The following MUS81 variants were observed in gnomAD, a reference collection of about 807,000 sequenced individuals.
MUS81 encodes the protein MUS81 structure-specific endonuclease subunit.
Under a neutral mutation model 74.2 loss-of-function variants are expected in MUS81, and 69 were observed. That is an observed-to-expected ratio of 0.93 (90% CI 0.77 to 1.14). The LOEUF is 1.14. MUS81 is among the 50% of genes most tolerant of loss of function. MUS81 has a pLI of 0.00. For missense variants in MUS81, 711 were observed against 726.5 expected (o/e 0.98, Z 0.25); for synonymous variants, 303 against 300.6 (o/e 1.01, Z -0.08).
At chr11:65,864,120 A>G (rs1344456636) in intron 10 of MUS81, 1 of 607,132 alleles carries the variant, frequency 1.6e-6, no homozygotes, top group Non-Finnish European at 2.9e-6. Flanking sequence ...GGTCAGGAGC[A>G]TTTTAAAGAC....
chr11:65,865,262 G>T lies in MUS81; in HGVS notation c.1444G>T (p.Val482Leu), dbSNP rs1290610503. 1.2e-6 allele frequency: 2 copies of T among 1,614,186 alleles called. No individual in the cohort carries two copies. ...REVFARQLMQ[V>L]RGVSGEKAAA... is the part of the protein sequence containing the mutation. The stretch of plus-strand genomic sequence containing the variant: ...AGTGTTTGCCCGGCAGCTGATGCAG[G>T]TGCGCGGAGTGAGTGGGGAGAAGGC... The change falls in exon 14 of 16, where the codon GTG (valine) becomes TTG (leucine). Residue 482 changes from valine to leucine, a missense_variant. By Grantham distance (32) the Val-to-Leu change is conservative (BLOSUM62 1). Transcript: ENST00000308110.
chr11:65,867,018 T>C (rs1450882561), downstream of MUS81: 2 of 1,614,140 alleles, frequency 1.2e-6, no homozygotes, highest in Admixed American at 1.7e-5. Context: ...GTCCAGCACG[T>C]ACTCCCGGGG....
At position 65,860,474 on chromosome 11, in the gene MUS81, G is replaced by A; in HGVS notation, c.-280G>A. The A allele has an allele frequency of 1.8e-6, 1 of 553,250 alleles. No individual in the cohort carries two copies. Among genetic ancestry groups the A allele is most frequent in the South Asian group, 1.9e-5 (1 of 51,676 alleles). 34.3% of individuals were successfully genotyped at this position (553,250 alleles called of 1,614,324 possible). A position where few individuals can be genotyped will look rare whatever the true frequency, so the allele number is the denominator to read the frequency against. On this transcript the variant is annotated 5_prime_UTR_variant, in exon 1 of 16. Transcript: ENST00000308110. ...TCCAGGCTCCGGGGGCTGGGAAAGG[G>A]CGCGTCTCAAAGGCTGGCTGGAGTG... is the stretch of plus-strand genomic sequence containing the variant.
Position 65,865,798 on chromosome 11 carries a change from C to T in MUS81, c.1506-13C>T. The T allele has an allele frequency of 6.2e-7, 1 of 1,613,202 alleles. No individual in the cohort carries two copies. Among genetic ancestry groups the T allele is most frequent in the Non-Finnish European group, 8.5e-7 (1 of 1,179,692 alleles). ...CACTGTCAGCCTCAGAAACTCAAAC[C>T]CCTGCCCCCCAGCCTCCTGGCCGCC... On this transcript the variant is annotated splice_polypyrimidine_tract_variant and intron_variant, in intron 14 of 15. Coordinates refer to ENST00000308110, the MANE Select transcript of MUS81 (RefSeq NM_025128.5).
At chr11:65,864,165 A>G in intron 10 of MUS81, 1 of 589,832 alleles carries the variant, frequency 1.7e-6, no homozygotes, top group South Asian at 2.0e-5. Context: ...TCTTGGATAA[A>G]CAAGGCATAA....
upstream of MUS81, chr11:65,860,233 T>G (rs1267523699): frequency 2.2e-6 from 1 of 455,658 alleles, no homozygotes; most frequent in African/African-American, 2.0e-5. Flanking sequence ...AGCCCCCGCC[T>G]CTCCTGGACT....
At chr11:65,862,158 T>C in intron 4 of MUS81, 53 bp from the exon 5 acceptor site, 2 of 1,599,676 alleles carry the variant, frequency 1.3e-6, no homozygotes. Context: ...CTGAGCGGGA[T>C]GAGGAGGGGC....
rs1859677452 is a variant in MUS81, at chr11:65,863,142, G to A, written c.683G>A (p.Gly228Asp). ...ESEGLSLLNV[G>D]IGPKEPPGEE... The stretch of plus-strand genomic sequence containing the variant: ...GAAGGCCTGAGCTTGCTGAATGTGG[G>A]CATCGGGCCCAAGGAGCCCCCTGGG... Residue 228 changes from glycine to aspartate, a missense_variant, in exon 7 of 16, where the codon GGC (glycine) becomes GAC (aspartate). Coordinates refer to ENST00000308110, the MANE Select transcript of MUS81 (RefSeq NM_025128.5). The A allele has an allele frequency of 1.2e-6, 2 of 1,614,130 alleles. No individual in the cohort carries two copies. The highest frequency in any genetic ancestry group is 1.7e-6 in the Non-Finnish European group (2 of 1,180,026).
chr11:65,863,661 C>T lies in MUS81; in HGVS notation c.901C>T (p.Arg301Cys), dbSNP rs145333207. Reference sequence around the variant, plus strand: ...GCGGCTGCACGTGACCCACACGGTGCGCAAGCTGCACGTTGGAGATTTTGT... The same window carrying T: ...GCGGCTGCACGTGACCCACACGGTGTGCAAGCTGCACGTTGGAGATTTTGT... ...LQRLHVTHTVRKLHVGDFVWV... is the reference protein window; with the variant it reads ...LQRLHVTHTVCKLHVGDFVWV... Residue 301 changes from arginine (R) to cysteine (C), a missense_variant, in exon 9 of 16, where the codon CGC becomes TGC. By Grantham distance (180) the Arg-to-Cys change is radical. Transcript: ENST00000308110. 246 of 1,614,004 alleles carry T rather than the reference C, an allele frequency of 1.5e-4. No individual in the cohort carries two copies. The African/African-American group carries it at 2.8e-3, about 18-fold the overall frequency.
Position 65,862,214 on chromosome 11 carries a change from C to A in MUS81, c.454C>A (p.Pro152Thr), listed in dbSNP as rs764214410. ...LLVLYREHLN[P>T]NGHHFLTKEE... is the part of the protein sequence containing the mutation. The stretch of plus-strand genomic sequence containing the variant: ...GTCTTTTCTACCTTGGTTTCAGAAT[C>A]CTAATGGTCACCACTTCTTAACCAA... The change falls in exon 5 of 16, where the codon CCT becomes ACT. Residue 152 changes from proline (P) to threonine (T), a missense_variant. Transcript: ENST00000308110. The A allele has an allele frequency of 6.2e-7, 1 of 1,613,542 alleles. No homozygotes were observed. The highest frequency in any genetic ancestry group is 1.1e-5 in the South Asian group (1 of 91,030).
upstream of MUS81, chr11:65,860,296 T>G (rs911689553): frequency 4.4e-6 from 2 of 459,104 alleles, no homozygotes; most frequent in Admixed American, 2.3e-5. Flanking sequence ...AGGCTGAAGC[T>G]GACAATCTTA....
At chr11:65,862,582 G>C in intron 6 of MUS81, 53 bp downstream of exon 6, 1 of 1,531,382 alleles carries the variant, frequency 6.5e-7, no homozygotes, top group Non-Finnish European at 9.0e-7. Flanking sequence ...TCTTAGTAGG[G>C]CCTTAGAGTC....
chr11:65,861,331 A>G lies in MUS81; in HGVS notation c.266-19A>G, dbSNP rs1345538887. ...GCCGGATTCGTGGAGTGTGGAGTTA[A>G]CTCTTTTCTCTCCCGCAGGTGACCA... On this transcript the variant is annotated intron_variant, in intron 2 of 15. Coordinates refer to ENST00000308110, the MANE Select transcript of MUS81 (RefSeq NM_025128.5). The G allele has an allele frequency of 6.3e-7, 1 of 1,576,918 alleles. No homozygotes were observed. The highest frequency in any genetic ancestry group is 1.8e-5 in the Admixed American group (1 of 55,456).
rs1321206091 is a variant in MUS81, at chr11:65,860,821, G to A, written c.68G>A (p.Arg23His). The change falls in exon 1 of 16, where the codon CGC (arginine) becomes CAC (histidine). Residue 23 changes from arginine (R) to histidine (H), a missense_variant. Coordinates refer to ENST00000308110, the MANE Select transcript of MUS81 (RefSeq NM_025128.5). ...GCCTGTCCCAACCCGCTCTTCGTTC[G>A]CTGGCTGACCGAGTGGCGGGACGAG... ...LPACPNPLFV[R>H]WLTEWRDEAT... 6.5e-7 allele frequency: 1 copy of A among 1,549,414 alleles called. No homozygotes were observed. Among genetic ancestry groups the A allele is most frequent in the South Asian group, 1.2e-5 (1 of 84,750 alleles).
At chr11:65,861,327 G>A (rs1044717230) in intron 2 of MUS81, 23 bp from the exon 3 acceptor site, 114 of 1,573,800 alleles carry the variant, frequency 7.2e-5, no homozygotes, top group Admixed American at 5.8e-4. Context: ...GGAGTGTGGA[G>A]TTAACTCTTT....
intron 6 of MUS81, 130 bp from the exon 7 acceptor site, chr11:65,862,935 C>A: frequency 1.7e-6 from 2 of 1,146,794 alleles, no homozygotes; most frequent in Non-Finnish European, 1.3e-6. Flanking sequence ...CCAGGAGGAG[C>A]AGGAGCCACT....
rs1416645763 is a variant in MUS81, at chr11:65,863,492, G to A, written c.829G>A (p.Glu277Lys). The change falls in exon 8 of 16, where the codon GAG becomes AAG. Residue 277 changes from glutamate (E) to lysine (K), a missense_variant. By Grantham distance (56) the Glu-to-Lys change is moderately conservative (BLOSUM62 1). Coordinates refer to ENST00000308110, the MANE Select transcript of MUS81 (RefSeq NM_025128.5). ...YRVLLCVDIG[E>K]TRGGGHRPEL... Reference sequence around the variant, plus strand: ...GGTGCTGTTGTGTGTGGACATTGGCGAGACCCGGGGGTGAGTGAGGTGGGG... The same window carrying A: ...GGTGCTGTTGTGTGTGGACATTGGCAAGACCCGGGGGTGAGTGAGGTGGGG... 3.1e-6 allele frequency: 5 copies of A among 1,614,086 alleles called. No individual in the cohort carries two copies. Among genetic ancestry groups the A allele is most frequent in the South Asian group, 1.1e-5 (1 of 91,092 alleles).
Position 65,860,594 on chromosome 11 carries a change from A to T in MUS81, c.-160A>T. The T allele has an allele frequency of 3.2e-6, 3 of 937,438 alleles. No individual in the cohort carries two copies. Among genetic ancestry groups the T allele is most frequent in the Non-Finnish European group, 4.9e-6 (3 of 617,910 alleles). The allele number at this position is 937,438 out of a possible 1,614,324, so 58.1% of individuals were successfully genotyped here. ...GGCGGCCGCAGGCTCTCCTCTCGTT[A>T]GTGCCCCCTGTGTTTGGGGCCCCGT... On this transcript the variant is annotated 5_prime_UTR_variant, in exon 1 of 16. Coordinates refer to ENST00000308110, the MANE Select transcript of MUS81 (RefSeq NM_025128.5).
chr11:65,867,567 T>C, downstream of MUS81: 1 of 489,756 alleles, frequency 2.0e-6, no homozygotes, highest in Non-Finnish European at 3.7e-6. Flanking sequence ...GTGGACTTTC[T>C]GACCCCAGGG....
Sources: gnomAD v4.1 joint callset for allele counts on GRCh38, gnomAD v4.1.1 for gene constraint, MANE v1.5 for transcripts, NCBI Gene and HGNC (gene_info 2026-07-23, HGNC 2026-07-21) for gene names.